PARP8: variants seen among roughly 807,000 people sequenced by gnomAD.
The protein encoded by PARP8 is poly(ADP-ribose) polymerase family member 8.
PARP8 carries 51 observed loss-of-function variants against 124.1 expected under a neutral mutation model. The ratio of observed to expected loss-of-function variants is 0.41; its 90% CI spans 0.33 to 0.52. PARP8 has a LOEUF of 0.52. Among genes scored for constraint, PARP8 ranks in the 20% least tolerant of loss-of-function variants. The pLI, the probability that PARP8 is intolerant of heterozygous loss-of-function variation, is 0.21. For synonymous variants in PARP8, 391 were observed against 361.5 expected, an observed-to-expected ratio of 1.08 and a Z score of -0.93; for missense variants, 860 against 1,018.9, an observed-to-expected ratio of 0.84 and a Z score of 2.12.
At position 50,731,049 on chromosome 5, in the gene PARP8, C is replaced by T. The variant is rs1159366298; in HGVS notation, c.147-19102C>T. ...TTGCCGTAAGCAAAAAAGGTCAGTG[C>T]GAAAAATCACAAGAGGCTGAGTGAC... On this transcript the variant is annotated intron_variant, in intron 2 of 25. Transcript: ENST00000281631. Among the ~76,000 whole-genome samples, 15 of 152,214 alleles carry T rather than the reference C, an allele frequency of 9.9e-5. No individual in the cohort carries two copies. In the East Asian group the frequency reaches 2.3e-3, roughly 23 times the overall value.
chr5:50,817,687 G>A (rs1404433764), intron 15 of PARP8, among the ~76,000 whole-genome samples: 1 of 152,028 alleles, frequency 6.6e-6, no homozygotes, highest in African/African-American at 2.4e-5. Flanking sequence ...TTGCAGTATT[G>A]GACAATGATT....
intron 15 of PARP8, among the ~76,000 whole-genome samples, chr5:50,815,991 A>AT (rs368093652): frequency 1.1e-3 from 161 of 150,204 alleles, no homozygotes; most frequent in East Asian, 4.9e-3. Flanking sequence ...AAATTTCCAG[A>AT]TTTTTTTTTT....
chr5:50,786,198 A>T (rs1470991482), intron 9 of PARP8, among the ~76,000 whole-genome samples: 1 of 151,636 alleles, frequency 6.6e-6, no homozygotes, highest in Non-Finnish European at 1.5e-5. Flanking sequence ...TCTCTCTTTG[A>T]ATCCACTCAA....
At chr5:50,774,978 G>A (rs1739804095) in intron 7 of PARP8, among the ~76,000 whole-genome samples, 2 of 150,358 alleles carry the variant, frequency 1.3e-5, no homozygotes, top group Non-Finnish European at 3.0e-5. Flanking sequence ...GGCCAGAGGC[G>A]CTCTTCACAT....
intron 2 of PARP8, among the ~76,000 whole-genome samples, chr5:50,728,464 G>A (rs1230666256): frequency 6.6e-6 from 1 of 152,052 alleles, no homozygotes; most frequent in Non-Finnish European, 1.5e-5. Context: ...CATTCAGAGT[G>A]CAACTTAATT....
At chr5:50,732,491 A>C (rs1325128085) in intron 2 of PARP8, among the ~76,000 whole-genome samples, 1 of 152,200 alleles carries the variant, frequency 6.6e-6, no homozygotes, top group Non-Finnish European at 1.5e-5. Flanking sequence ...AAACTAATTA[A>C]AGCACTTCTT....
chr5:50,780,100 T>G (rs1214265213), intron 9 of PARP8, among the ~76,000 whole-genome samples: 5 of 152,162 alleles, frequency 3.3e-5, no homozygotes, highest in Non-Finnish European at 2.9e-5. Flanking sequence ...TGCATATGAA[T>G]TTATTTTTAT....
At chr5:50,755,073 G>T (rs1423337771) in intron 3 of PARP8, among the ~76,000 whole-genome samples, 1 of 152,082 alleles carries the variant, frequency 6.6e-6, no homozygotes, top group Non-Finnish European at 1.5e-5. Context: ...GTAGATTCTG[G>T]GTATTAGCCC....
chr5:50,759,521 G>A (rs1411108565), intron 3 of PARP8, 122 bp from the exon 4 acceptor site: 10 of 1,098,394 alleles, frequency 9.1e-6, no homozygotes, highest in Non-Finnish European at 1.2e-5. Flanking sequence ...TAATCAAACA[G>A]TAGTGTATGC....
rs549614227 is a variant in PARP8, at chr5:50,795,066, G to A, written c.1077G>A (p.Ser359=). The part of the protein sequence containing the change: ...RAEQAMTAIK[S]HKLLNRPCPA... ...AGCAGGCTATGACAGCAATTAAATC[G>A]CACAAACTTTTGAACCGTCCTTGCC... is the stretch of plus-strand genomic sequence containing the variant. The change falls in exon 12 of 26, where the codon TCG becomes TCA. Residue 359 remains serine (S), a synonymous_variant. Coordinates refer to ENST00000281631, the MANE Select transcript of PARP8 (RefSeq NM_024615.4). 4.3e-6 allele frequency: 7 copies of A among 1,614,130 alleles called. No individual in the cohort carries two copies. Among genetic ancestry groups the A allele is most frequent in the South Asian group, 1.1e-5 (1 of 91,086 alleles).
At chr5:50,773,199 T>C (rs1029827982) in intron 7 of PARP8, among the ~76,000 whole-genome samples, 8 of 152,184 alleles carry the variant, frequency 5.3e-5, no homozygotes, top group Non-Finnish European at 1.2e-4. Context: ...ATTTGTCCAT[T>C]TTTGCTTTTG....
intron 1 of PARP8, chr5:50,667,620 C>T (rs1262739388): frequency 1.4e-6 from 1 of 699,040 alleles, no homozygotes. Flanking sequence ...CGCCCGGCGC[C>T]GAGGACCCCC....
At chr5:50,674,377 GA>G (rs1750377642) in intron 2 of PARP8, among the ~76,000 whole-genome samples, 1 of 152,134 alleles carries the variant, frequency 6.6e-6, no homozygotes, top group South Asian at 2.1e-4. Flanking sequence ...CCTCTACTTT[GA>G]AACACTGTTG....
At chr5:50,796,877 T>A in intron 12 of PARP8, 105 bp from the exon 13 acceptor site, 2 of 962,420 alleles carry the variant, frequency 2.1e-6, no homozygotes, top group South Asian at 3.7e-5. Context: ...TTTCATGTGA[T>A]CTTAAATCAC....
intron 2 of PARP8, among the ~76,000 whole-genome samples, chr5:50,712,246 A>G (rs936137959): frequency 1.3e-5 from 2 of 152,154 alleles, no homozygotes; most frequent in African/African-American, 2.4e-5. Context: ...CCAGGATTAT[A>G]TATTTAGAAA....
At chr5:50,841,930 T>G in intron 25 of PARP8, 36 bp from the exon 26 acceptor site, 5 of 1,448,012 alleles carry the variant, frequency 3.5e-6, no homozygotes, top group Non-Finnish European at 4.8e-6. Flanking sequence ...TGCCATCTTT[T>G]AAAATGTTTT....
At chr5:50,720,045 C>T (rs1339949907) in intron 2 of PARP8, among the ~76,000 whole-genome samples, 1 of 151,964 alleles carries the variant, frequency 6.6e-6, no homozygotes, top group African/African-American at 2.4e-5. Flanking sequence ...TGTTATGAGT[C>T]CCAACAACCA....
intron 7 of PARP8, among the ~76,000 whole-genome samples, chr5:50,767,769 T>C (rs576950501): frequency 7.9e-5 from 12 of 152,318 alleles, no homozygotes; most frequent in Middle Eastern, 3.4e-3. Context: ...TCTTGGCCCA[T>C]TCACAAACAT....
At chr5:50,692,157 T>A (rs77846616) in intron 2 of PARP8, among the ~76,000 whole-genome samples, 6,585 of 152,244 alleles carry the variant, frequency 0.043, 453 homozygotes, top group African/African-American at 0.15. Flanking sequence ...CTTCATCTGC[T>A]TAAAGCCCTT....
Sources: gnomAD v4.1 joint callset for allele counts (sites outside exome capture counted in the v4.1 genomes callset) on GRCh38, gnomAD v4.1.1 for gene constraint, MANE v1.5 for transcripts, NCBI Gene and HGNC (gene_info 2026-07-23, HGNC 2026-07-21) for gene names.